Variants in CGGBP1 observed in about 807,000 individuals in gnomAD.
CGGBP1 encodes CGG triplet repeat-binding protein 1.
Under a neutral mutation model 11.4 loss-of-function variants are expected in CGGBP1, and 4 were observed. The observed-to-expected ratio is 0.35, with a 90% CI of 0.17 to 0.80. CGGBP1 has a LOEUF of 0.80. Ranked by LOEUF, CGGBP1 falls within the 30% of genes least tolerant of loss-of-function variation. The pLI is 0.52. For missense variants in CGGBP1, 135 were observed against 202.1 expected, an observed-to-expected ratio of 0.67 and a Z score of 2.01; for synonymous variants, 76 against 74.1, an observed-to-expected ratio of 1.03 and a Z score of -0.13.
At chr3:88,056,523 AG>A (rs1706545568) in intron 3 of CGGBP1, 1 of 69,816 alleles carries the variant, frequency 1.4e-5, no homozygotes, top group East Asian at 4.9e-4. Flanking sequence ...AATTGTTCTG[AG>A]GAAAAACCAC....
chr3:88,115,285 C>T (rs1186888642), intron 2 of CGGBP1, among the ~76,000 whole-genome samples: 2 of 152,204 alleles, frequency 1.3e-5, no homozygotes, highest in African/African-American at 4.8e-5. Flanking sequence ...TCTCTTTCCC[C>T]CCGCTGTATT....
At chr3:88,100,571 C>A (rs907684120) in intron 2 of CGGBP1, among the ~76,000 whole-genome samples, 9 of 152,128 alleles carry the variant, frequency 5.9e-5, no homozygotes, top group African/African-American at 2.2e-4. Context: ...AAATGTCCAT[C>A]AATGATAGAC....
chr3:88,134,621 G>A (rs999117156), intron 2 of CGGBP1, among the ~76,000 whole-genome samples: 22 of 151,958 alleles, frequency 1.4e-4, no homozygotes, highest in Admixed American at 5.2e-4. Flanking sequence ...AGTTTTAATC[G>A]TTAGTACTTT....
chr3:88,132,459 T>A (rs983679907), intron 2 of CGGBP1, among the ~76,000 whole-genome samples: 1 of 152,222 alleles, frequency 6.6e-6, no homozygotes, highest in Non-Finnish European at 1.5e-5. Flanking sequence ...TTTGGTCTTC[T>A]AAAAGAAGAC....
At chr3:88,076,738 G>A (rs554525018) in intron 2 of CGGBP1, among the ~76,000 whole-genome samples, 23 of 151,992 alleles carry the variant, frequency 1.5e-4, no homozygotes, top group Non-Finnish European at 3.4e-4. Context: ...TATTTATGAC[G>A]GAAGCATTTA....
chr3:88,057,090 T>C (rs1394564335), intron 3 of CGGBP1, 101 bp downstream of exon 3: 1 of 152,216 alleles, frequency 6.6e-6, no homozygotes, highest in Non-Finnish European at 1.5e-5. Context: ...GATGGAATTC[T>C]GTCTGCATAA....
intron 2 of CGGBP1, among the ~76,000 whole-genome samples, chr3:88,091,695 T>G (rs1177871287): frequency 6.6e-6 from 1 of 151,932 alleles, no homozygotes; most frequent in Non-Finnish European, 1.5e-5. Flanking sequence ...TGGGGTCGGG[T>G]TTTTCCTGTG....
intron 2 of CGGBP1, chr3:88,128,813 C>G: frequency 6.5e-7 from 1 of 1,532,384 alleles, no homozygotes; most frequent in Non-Finnish European, 8.7e-7. Context: ...ATATAGTGAA[C>G]AAATATTTAA....
chr3:88,100,823 G>C (rs1403928392), intron 2 of CGGBP1, among the ~76,000 whole-genome samples: 2 of 152,122 alleles, frequency 1.3e-5, no homozygotes, highest in Non-Finnish European at 2.9e-5. Flanking sequence ...GGTGGGGAAA[G>C]CGGGGAGGGA....
chr3:88,132,407 T>G (rs1706518680), intron 2 of CGGBP1, among the ~76,000 whole-genome samples: 1 of 152,150 alleles, frequency 6.6e-6, no homozygotes, highest in African/African-American at 2.4e-5. Flanking sequence ...ATGCACACAT[T>G]GAATAAAGGA....
At chr3:88,101,209 A>C (rs1358944562) in intron 2 of CGGBP1, among the ~76,000 whole-genome samples, 1 of 152,110 alleles carries the variant, frequency 6.6e-6, no homozygotes, top group African/African-American at 2.4e-5. Context: ...GAGTTGTGCA[A>C]CCATTACCAC....
chr3:88,080,029 C>G (rs751483007), intron 2 of CGGBP1, among the ~76,000 whole-genome samples: 20 of 151,018 alleles, frequency 1.3e-4, no homozygotes, highest in African/African-American at 4.6e-4. Context: ...ACAAGTGACT[C>G]TTTTTTTTTC....
intron 2 of CGGBP1, among the ~76,000 whole-genome samples, chr3:88,131,187 AATGGTAAGT>A (rs1706438103): frequency 1.3e-5 from 2 of 152,200 alleles, no homozygotes; most frequent in Non-Finnish European, 2.9e-5. Context: ...ATTATAACAC[AATGGTAAGT>A]ATTTGTCTAT....
chr3:88,078,144 G>C (rs568015960), intron 2 of CGGBP1, among the ~76,000 whole-genome samples: 3 of 151,894 alleles, frequency 2.0e-5, no homozygotes, highest in African/African-American at 7.3e-5. Flanking sequence ...TAGTTAGTAG[G>C]GTTTTGATAT....
chr3:88,073,887 T>C (rs1465085139), intron 2 of CGGBP1, among the ~76,000 whole-genome samples: 2 of 152,224 alleles, frequency 1.3e-5, no homozygotes, highest in African/African-American at 4.8e-5. Context: ...ATAAAACTCA[T>C]AATTTATTTT....
chr3:88,095,199 C>G lies in CGGBP1; in HGVS notation c.-228-36976G>C, dbSNP rs150921300. 2.5e-4 allele frequency among the ~76,000 whole-genome samples: 38 copies of G among 152,172 alleles called. No homozygotes were observed. In the South Asian group the frequency reaches 3.1e-3, roughly 12 times the overall value. On this transcript the variant is annotated intron_variant, in intron 2 of 3. Transcript: ENST00000462901. ...TGTAGGGAATAATTTTCAATGAATT[C>G]ACTTTTGTTTCCTTTTTTATTTTTT...
At chr3:88,137,741 G>A (rs963364009) in intron 2 of CGGBP1, among the ~76,000 whole-genome samples, 10 of 152,122 alleles carry the variant, frequency 6.6e-5, no homozygotes, top group African/African-American at 2.4e-4. Context: ...GCTGGATAAA[G>A]TGAAAATCGG....
intron 2 of CGGBP1, among the ~76,000 whole-genome samples, chr3:88,118,920 CTT>C (rs1184443475): frequency 2.0e-5 from 3 of 150,206 alleles, no homozygotes; most frequent in Admixed American, 6.7e-5. Context: ...AATAGGAACA[CTT>C]TTACACTGTT....
At chr3:88,087,958 GT>G (rs1468289287) in intron 2 of CGGBP1, among the ~76,000 whole-genome samples, 2 of 152,088 alleles carry the variant, frequency 1.3e-5, no homozygotes, top group African/African-American at 4.8e-5. Context: ...TCATTGGAAC[GT>G]TACAGATTTC....
Sources: allele counts gnomAD v4.1 joint callset (sites outside exome capture counted in the v4.1 genomes callset), GRCh38; gene constraint gnomAD v4.1.1; transcripts MANE v1.5; gene names NCBI Gene and HGNC (gene_info 2026-07-23, HGNC 2026-07-21).